USP24: variants seen among roughly 807,000 people sequenced by gnomAD.
USP24 encodes ubiquitin specific peptidase 24, also known as ubiquitin carboxyl-terminal hydrolase 24.
USP24 carries 97 observed loss-of-function variants against 361.6 expected under a neutral mutation model. The ratio of observed to expected loss-of-function variants is 0.27; its 90% CI spans 0.23 to 0.32. The LOEUF (loss-of-function observed/expected upper bound fraction) is 0.32, where lower values mean the gene tolerates loss of function less well. Ranked by LOEUF, USP24 falls within the 10% of genes least tolerant of loss-of-function variation. The pLI is 1.00. For synonymous variants in USP24, 1,098 were observed against 1,124.6 expected (o/e 0.98, Z 0.47); for missense variants, 2,353 against 3,165.6 (o/e 0.74, Z 6.16).
intron 1 of USP24, among the ~76,000 whole-genome samples, chr1:55,189,021 G>GA (rs1644215793): frequency 7.2e-6 from 1 of 139,180 alleles, no homozygotes; most frequent in Non-Finnish European, 1.5e-5. Flanking sequence ...GTATTGGTGA[G>GA]AATGTGAAGC....
At chr1:55,210,748 G>T (rs1335887597) in intron 1 of USP24, among the ~76,000 whole-genome samples, 1 of 152,102 alleles carries the variant, frequency 6.6e-6, no homozygotes, top group African/African-American at 2.4e-5. Flanking sequence ...AATCTTGAAA[G>T]TACTCCTGAC....
At chr1:55,093,400 C>T (rs942082187) in intron 52 of USP24, among the ~76,000 whole-genome samples, 1 of 152,200 alleles carries the variant, frequency 6.6e-6, no homozygotes, top group Non-Finnish European at 1.5e-5. Context: ...GATCCTTGTC[C>T]TGTGACACTG....
intron 23 of USP24, 36 bp from the exon 24 acceptor site, chr1:55,141,767 T>A (rs1355807082): frequency 6.5e-7 from 1 of 1,546,494 alleles, no homozygotes; most frequent in Non-Finnish European, 8.8e-7. Flanking sequence ...CTATCAGGGT[T>A]TCTCAACCTG....
chr1:55,121,029 G>A (rs1351735124), intron 37 of USP24, among the ~76,000 whole-genome samples: 1 of 152,118 alleles, frequency 6.6e-6, no homozygotes, highest in African/African-American at 2.4e-5. Context: ...AAAAAAGAAA[G>A]TTTAAGTTAA....
At position 55,167,102 on chromosome 1, in the gene USP24, G is replaced by A. The variant is rs1056787254; in HGVS notation, c.826-499C>T. Among the ~76,000 whole-genome samples, 9 of 152,238 alleles carry A rather than the reference G, an allele frequency of 5.9e-5. No homozygotes were observed. In the South Asian group the frequency reaches 8.3e-4, roughly 14 times the overall value. On this transcript the variant is annotated intron_variant, in intron 5 of 67. Coordinates refer to ENST00000294383, the MANE Select transcript of USP24 (RefSeq NM_015306.3). ...TACAGAACAGTGACTACGAAGAGATGTTGTACCTGCTTTTATGAAGCTCAT... is the reference window on the plus strand; with the variant it reads ...TACAGAACAGTGACTACGAAGAGATATTGTACCTGCTTTTATGAAGCTCAT...
intron 55 of USP24, among the ~76,000 whole-genome samples, chr1:55,087,836 A>G (rs1645285705): frequency 6.6e-6 from 1 of 152,238 alleles, no homozygotes. Flanking sequence ...CTCTCAGAGC[A>G]AATGCTATTC....
Position 55,087,219 on chromosome 1 carries a change from G to A in USP24, c.6669-1181C>T, listed in dbSNP as rs375691629. 3.2e-4 allele frequency among the ~76,000 whole-genome samples: 49 copies of A among 152,136 alleles called. No homozygotes were observed. In the South Asian group the frequency reaches 1.0e-2, roughly 31 times the overall value. On this transcript the variant is annotated intron_variant, in intron 55 of 67. Coordinates refer to ENST00000294383, the MANE Select transcript of USP24 (RefSeq NM_015306.3). ...AAAAGATCATTAATTCTTCAAACAC[G>A]AAATCATAGCAATTGATAGTGATGA...
At chr1:55,098,108 C>A in intron 46 of USP24, 24 bp from the exon 47 acceptor site, 1 of 1,567,214 alleles carries the variant, frequency 6.4e-7, no homozygotes. Flanking sequence ...AACAGAAAAC[C>A]CACAATCAAC....
chr1:55,152,241 C>T lies in USP24; in HGVS notation c.1860+1629G>A, dbSNP rs1334623750. 3.9e-5 allele frequency among the ~76,000 whole-genome samples: 6 copies of T among 152,218 alleles called. No homozygotes were observed. In the East Asian group the frequency reaches 5.8e-4, roughly 15 times the overall value. The stretch of plus-strand genomic sequence containing the variant: ...AATAAAAAAGAAAGAATATTCCTTT[C>T]GAGTCTCACAAAATAACTCCAAAAA... On this transcript the variant is annotated intron_variant, in intron 16 of 67. Coordinates refer to ENST00000294383, the MANE Select transcript of USP24 (RefSeq NM_015306.3).
intron 1 of USP24, among the ~76,000 whole-genome samples, chr1:55,180,942 G>A (rs1240850685): frequency 6.6e-6 from 1 of 152,022 alleles, no homozygotes; most frequent in Non-Finnish European, 1.5e-5. Flanking sequence ...TCCATATAAA[G>A]CTTCAACTAT....
chr1:55,126,241 G>A (rs547519709), intron 32 of USP24, among the ~76,000 whole-genome samples: 4 of 152,266 alleles, frequency 2.6e-5, no homozygotes, highest in South Asian at 2.1e-4. Context: ...GGCCTCTGCC[G>A]GCACCAGGCA....
chr1:55,166,704 T>C, intron 5 of USP24, 101 bp from the exon 6 acceptor site: 1 of 1,193,358 alleles, frequency 8.4e-7, no homozygotes, highest in African/African-American at 1.6e-5. Flanking sequence ...AGAAAAATTA[T>C]AAAAGTTTGG....
At chr1:55,152,180 G>A (rs575398915) in intron 16 of USP24, among the ~76,000 whole-genome samples, 136 of 152,152 alleles carry the variant, frequency 8.9e-4, no homozygotes, top group African/African-American at 3.1e-3. Flanking sequence ...ATGAAATAAT[G>A]GTACACCAGT....
intron 1 of USP24, among the ~76,000 whole-genome samples, chr1:55,191,480 C>G (rs921089858): frequency 7.1e-6 from 1 of 141,560 alleles, no homozygotes; most frequent in African/African-American, 2.5e-5. Context: ...CTTATAAGAT[C>G]AATATGGCAC....
intron 31 of USP24, among the ~76,000 whole-genome samples, chr1:55,131,406 T>C (rs1646588032): frequency 6.6e-6 from 1 of 152,242 alleles, no homozygotes. Flanking sequence ...TTCATAAAGT[T>C]AATTCTTAAA....
chr1:55,082,814 CA>C (rs1369951062), intron 58 of USP24, among the ~76,000 whole-genome samples: 4 of 152,044 alleles, frequency 2.6e-5, no homozygotes, highest in African/African-American at 9.7e-5. Context: ...AGACAACAAA[CA>C]AAAAAACCCA....
chr1:55,083,316 G>A lies in USP24; in HGVS notation c.6931C>T (p.His2311Tyr). 2 of 1,613,762 alleles carry A rather than the reference G, an allele frequency of 1.2e-6. No homozygotes were observed. The highest frequency in any genetic ancestry group is 1.7e-6 in the Non-Finnish European group (2 of 1,179,734). The change falls in exon 58 of 68, where the codon CAC becomes TAC. Residue 2311 changes from histidine (H) to tyrosine (Y), a missense_variant. Physicochemically the swap from His to Tyr is moderately conservative, Grantham distance 83. Coordinates refer to ENST00000294383, the MANE Select transcript of USP24 (RefSeq NM_015306.3). Reference sequence around the variant, plus strand: ...GCCCCTAGGAGGAAGCTGATCATGTGCCGCAGAGCTGAATGCCTCAGAAGA... The same window carrying A: ...GCCCCTAGGAGGAAGCTGATCATGTACCGCAGAGCTGAATGCCTCAGAAGA... ...DLLLRHSALR[H>Y]MISFLLGASR...
At chr1:55,116,434 AC>A (rs1646118275) in intron 38 of USP24, among the ~76,000 whole-genome samples, 1 of 152,034 alleles carries the variant, frequency 6.6e-6, no homozygotes, top group African/African-American at 2.4e-5. Context: ...GTAGACTAAC[AC>A]AAAAAAGGGA....
intron 53 of USP24, among the ~76,000 whole-genome samples, chr1:55,092,475 T>C (rs1365100611): frequency 1.3e-5 from 2 of 152,248 alleles, no homozygotes; most frequent in Non-Finnish European, 2.9e-5. Flanking sequence ...AGTTAATCTT[T>C]AGTCTTGTGA....
Sources: allele counts gnomAD v4.1 joint callset (sites outside exome capture counted in the v4.1 genomes callset), GRCh38; gene constraint gnomAD v4.1.1; transcripts MANE v1.5; gene names NCBI Gene and HGNC (gene_info 2026-07-23, HGNC 2026-07-21).